Variants in FCGRT observed in about 807,000 individuals in gnomAD.
FCGRT encodes the protein IgG receptor FcRn large subunit p51.
A neutral mutation model predicts 35.7 loss-of-function variants in FCGRT; 13 were observed. That is an observed-to-expected ratio of 0.36 (90% CI 0.24 to 0.58). The LOEUF (loss-of-function observed/expected upper bound fraction) is 0.58, where lower values mean the gene tolerates loss of function less well. FCGRT is among the 20% of genes least tolerant of loss of function. The pLI, the probability that FCGRT is intolerant of heterozygous loss-of-function variation, is 0.77. For missense variants in FCGRT, 455 were observed against 474.9 expected (o/e 0.96, Z 0.39); for synonymous variants, 233 against 216.5 (o/e 1.08, Z -0.67).
intron 4 of FCGRT, among the ~76,000 whole-genome samples, chr19:49,522,922 C>T (rs1270334605): frequency 1.3e-5 from 2 of 151,418 alleles, no homozygotes; most frequent in Non-Finnish European, 2.9e-5. Context: ...GGACTACAGG[C>T]GCCGGCCACC....
At chr19:49,519,598 C>A (rs77191620) in intron 4 of FCGRT, among the ~76,000 whole-genome samples, 88 of 152,222 alleles carry the variant, frequency 5.8e-4, no homozygotes, top group African/African-American at 2.0e-3. Flanking sequence ...TCCTCCTTCT[C>A]TTCTTTAAAG....
chr19:49,524,856 C>A, intron 5 of FCGRT, 80 bp downstream of exon 5: 2 of 1,348,882 alleles, frequency 1.5e-6, no homozygotes, highest in Non-Finnish European at 2.1e-6. Context: ...CTGAGTCTGA[C>A]CTTCCTCCCC....
At position 49,526,291 on chromosome 19, in the gene FCGRT, G is replaced by T; in HGVS notation, c.*172G>T. 3.4e-6 allele frequency: 2 copies of T among 594,412 alleles called. No homozygotes were observed. 36.8% of individuals were successfully genotyped at this position (594,412 alleles called of 1,614,324 possible). On this transcript the variant is annotated 3_prime_UTR_variant, in exon 7 of 7. Coordinates refer to ENST00000221466, the MANE Select transcript of FCGRT (RefSeq NM_001136019.3). Reference sequence around the variant, plus strand: ...TCAGTTTCCCCTCCTAATACATATGGCTGTTTTCCACCTCGATAATATAAC... The same window carrying T: ...TCAGTTTCCCCTCCTAATACATATGTCTGTTTTCCACCTCGATAATATAAC...
intron 4 of FCGRT, chr19:49,520,951 C>G (rs1203962673): frequency 6.6e-6 from 1 of 152,296 alleles, no homozygotes; most frequent in Non-Finnish European, 1.5e-5. Context: ...GCTGAGCAAC[C>G]AAAACCAAGA....
In FCGRT at chr19:49,525,995, T is replaced by C. The variant is rs190611286; in HGVS notation, c.989-15T>C. On this transcript the variant is annotated splice_polypyrimidine_tract_variant and intron_variant, in intron 6 of 6. Transcript: ENST00000221466. ...CAGAGATTCTGATGACCTCTCCCTC[T>C]CTCTCTCTCCTCAGCCCCTTGGATC... The C allele has an allele frequency of 2.8e-3, 4,384 of 1,539,736 alleles. 11 individuals carry two copies. Among genetic ancestry groups the C allele is most frequent in the Non-Finnish European group, 3.6e-3 (3,991 of 1,113,152 alleles).
rs1248119064 is a variant in FCGRT at position 49,525,540 on chromosome 19, C to A, written c.955C>A (p.Leu319Met). The change falls in exon 6 of 7, where the codon CTG becomes ATG. Residue 319 changes from leucine to methionine, a missense_variant. This residue lies in a region of FCGRT where 312 missense variants were observed against 296.1 expected (regional missense o/e 1.05). Transcript: ENST00000221466. ...CACGGCAGCGGCTGTAGGAGGAGCT[C>A]TGTTGTGGAGAAGGATGAGGAGTGG... ...LLTAAAVGGALLWRRMRSGLP... is the reference protein window; with the variant it reads ...LLTAAAVGGAMLWRRMRSGLP... 2 of 1,613,380 alleles carry A rather than the reference C, an allele frequency of 1.2e-6. No homozygotes were observed. The highest frequency in any genetic ancestry group is 1.3e-5 in the African/African-American group (1 of 74,990).
chr19:49,524,554 T>G lies in FCGRT; in HGVS notation c.649T>G (p.Ser217Ala). 1 of 1,612,920 alleles carries G rather than the reference T, an allele frequency of 6.2e-7. No individual in the cohort carries two copies. Among genetic ancestry groups the G allele is most frequent in the Non-Finnish European group, 8.5e-7 (1 of 1,179,500 alleles). Residue 217 changes from serine (S) to alanine (A), a missense_variant, in exon 5 of 7, where the codon TCC becomes GCC. By Grantham distance (99) the Ser-to-Ala change is moderately conservative. Transcript: ENST00000221466. ...LKARPSSPGF[S>A]VLTCSAFSFY... is the part of the protein sequence containing the mutation. ...GGCCCGACCCAGCAGCCCTGGCTTTTCCGTGCTTACCTGCAGCGCCTTCTC... is the reference window on the plus strand; with the variant it reads ...GGCCCGACCCAGCAGCCCTGGCTTTGCCGTGCTTACCTGCAGCGCCTTCTC...
chr19:49,514,226 A>G lies in FCGRT; in HGVS notation c.341A>G (p.Gln114Arg). ...GGCGCCCCAGGTCCCTACACTCTGCAGGGCCTGCTGGGCTGTGAACTGGGC... is the reference window on the plus strand; with the variant it reads ...GGCGCCCCAGGTCCCTACACTCTGCGGGGCCTGCTGGGCTGTGAACTGGGC... ...ALGGKGPYTLQGLLGCELGPD... is the reference protein window; with the variant it reads ...ALGGKGPYTLRGLLGCELGPD... The change falls in exon 4 of 7, where the codon CAG becomes CGG. Residue 114 changes from glutamine (Q) to arginine (R), a missense_variant. Gln to Arg is a conservative substitution (Grantham distance 43). Around this residue, in one of 3 missense-constraint regions of FCGRT, gnomAD observed 136 missense variants for 158.9 expected, o/e 0.86. Transcript: ENST00000221466. The G allele has an allele frequency of 6.2e-7, 1 of 1,610,878 alleles. No homozygotes were observed. Among genetic ancestry groups the G allele is most frequent in the Non-Finnish European group, 8.5e-7 (1 of 1,178,632 alleles).
At chr19:49,520,348 T>TC (rs1235655470) in intron 4 of FCGRT, among the ~76,000 whole-genome samples, 1 of 145,712 alleles carries the variant, frequency 6.9e-6, no homozygotes, top group East Asian at 2.0e-4. Flanking sequence ...CAGGATGGAT[T>TC]TTTTTTTTTT....
At chr19:49,522,274 T>C (rs970071114) in intron 4 of FCGRT, among the ~76,000 whole-genome samples, 1 of 151,688 alleles carries the variant, frequency 6.6e-6, no homozygotes, top group Non-Finnish European at 1.5e-5. Flanking sequence ...GGAGACTACG[T>C]CTTACTGTTT....
At position 49,514,251 on chromosome 19, in the gene FCGRT, C is replaced by T. The variant is rs1202701198; in HGVS notation, c.366C>T (p.Gly122=). 2.5e-6 allele frequency: 4 copies of T among 1,610,738 alleles called. No individual in the cohort carries two copies. The highest frequency in any genetic ancestry group is 1.1e-5 in the South Asian group (1 of 90,578). The change falls in exon 4 of 7, where the codon GGC becomes GGT. Residue 122 remains glycine (G), a synonymous_variant. Transcript: ENST00000221466. ...TLQGLLGCEL[G]PDNTSVPTAK... is the part of the protein sequence containing the mutation. ...AGGGCCTGCTGGGCTGTGAACTGGGCCCTGACAACACCTCGGTGCCCACCG... is the reference window on the plus strand; with the variant it reads ...AGGGCCTGCTGGGCTGTGAACTGGGTCCTGACAACACCTCGGTGCCCACCG...
intron 1 of FCGRT, 53 bp from the exon 2 acceptor site, chr19:49,513,334 A>G: frequency 1.1e-6 from 1 of 930,702 alleles, no homozygotes; most frequent in Non-Finnish European, 1.4e-6. Context: ...GTGTCCCGGG[A>G]GGAAGGGGCG....
At position 49,526,119 on chromosome 19, in the gene FCGRT, A is replaced by G. The variant is rs1372406389; in HGVS notation, c.1098A>G (p.Ter366TrpextTer19). Reference sequence around the variant, plus strand: ...TAAATGTGATTCCAGCCACCGCCTGACCATCCGCCATTCCGACTGCTAAAA... The same window carrying G: ...TAAATGTGATTCCAGCCACCGCCTGGCCATCCGCCATTCCGACTGCTAAAA... ...KDVNVIPATA[*>W] is the part of the protein sequence containing the mutation. The change falls in exon 7 of 7, where the codon TGA becomes TGG. Residue 366 changes from the stop codon to tryptophan, a stop_lost. Coordinates refer to ENST00000221466, the MANE Select transcript of FCGRT (RefSeq NM_001136019.3). 6.3e-7 allele frequency: 1 copy of G among 1,599,434 alleles called. No homozygotes were observed. Among genetic ancestry groups the G allele is most frequent in the South Asian group, 1.1e-5 (1 of 90,800 alleles).
chr19:49,522,321 C>T (rs2080045740), intron 4 of FCGRT, among the ~76,000 whole-genome samples: 1 of 152,164 alleles, frequency 6.6e-6, no homozygotes, highest in Admixed American at 6.5e-5. Context: ...TTCAAGTGAT[C>T]CACCTCATTC....
At chr19:49,513,714 G>GTGTCTCTCTC in intron 2 of FCGRT, 168 bp from the exon 3 acceptor site, 4 of 531,930 alleles carry the variant, frequency 7.5e-6, no homozygotes, top group Admixed American at 3.1e-5. Context: ...TGGGTCTCTT[G>GTGTCTCTCTC]TCTCTCTCTC....
intron 1 of FCGRT, 70 bp from the exon 2 acceptor site, chr19:49,513,317 G>C (rs1450403685): frequency 2.7e-6 from 2 of 750,490 alleles, no homozygotes; most frequent in East Asian, 6.8e-5. Flanking sequence ...TCCCGGCCGT[G>C]CCCGCGGTGT....
chr19:49,514,728 T>C (rs1237005322), intron 4 of FCGRT, among the ~76,000 whole-genome samples: 3 of 150,560 alleles, frequency 2.0e-5, no homozygotes, highest in Non-Finnish European at 4.4e-5. Flanking sequence ...AGTTTCGCTC[T>C]TGTTGCCCAG....
intron 4 of FCGRT, among the ~76,000 whole-genome samples, chr19:49,518,831 G>A (rs1231194501): frequency 6.6e-6 from 1 of 151,838 alleles, no homozygotes; most frequent in African/African-American, 2.4e-5. Flanking sequence ...CACCGCGCTC[G>A]GCCGTATTTT....
At chr19:49,519,133 C>T (rs1032970079) in intron 4 of FCGRT, among the ~76,000 whole-genome samples, 14 of 152,198 alleles carry the variant, frequency 9.2e-5, no homozygotes, top group African/African-American at 1.9e-4. Flanking sequence ...TGAGCCACCG[C>T]GCCCGGCCGG....
Sources: allele counts gnomAD v4.1 joint callset (sites outside exome capture counted in the v4.1 genomes callset), GRCh38; gene constraint gnomAD v4.1.1; regional missense constraint gnomAD v4.1.1; transcripts MANE v1.5; gene names NCBI Gene and HGNC (gene_info 2026-07-23, HGNC 2026-07-21).